The following ZBTB38 variants were observed in gnomAD, a reference collection of about 807,000 sequenced individuals.
ZBTB38 encodes the protein zinc finger and BTB domain containing 38.
Under a neutral mutation model 76.8 loss-of-function variants are expected in ZBTB38, and 20 were observed. That is an observed-to-expected ratio of 0.26 (90% confidence interval 0.18 to 0.38). The LOEUF (loss-of-function observed/expected upper bound fraction) is 0.38, where lower values mean the gene tolerates loss of function less well. Ranked by LOEUF, ZBTB38 falls within the 10% of genes least tolerant of loss-of-function variation. ZBTB38 has a pLI of 1.00. For missense variants in ZBTB38, 1,082 were observed against 1,482.3 expected (o/e 0.73, Z 4.43); for synonymous variants, 504 against 544.2 (o/e 0.93, Z 1.03).
Position 141,375,120 on chromosome 3 carries a change from T to C in ZBTB38, c.-235+5174T>C, listed in dbSNP as rs536713146. Reference sequence around the variant, plus strand: ...AAAATTAGGAAACTCTGAGCTAGTATGTCTATGCCAGAATTTAACTTAAAG... The same window carrying C: ...AAAATTAGGAAACTCTGAGCTAGTACGTCTATGCCAGAATTTAACTTAAAG... On this transcript the variant is annotated intron_variant, in intron 2 of 5. Coordinates refer to ENST00000321464, the MANE Select transcript of ZBTB38 (RefSeq NM_001376113.1). Among the ~76,000 whole-genome samples, 7 of 152,382 alleles carry C rather than the reference T, an allele frequency of 4.6e-5. No individual in the cohort carries two copies. In the East Asian group the frequency reaches 1.3e-3, roughly 29 times the overall value.
rs907975889 is a variant in ZBTB38 at position 141,442,766 on chromosome 3, C to T, written c.378C>T (p.Asn126=). The T allele has an allele frequency of 5.0e-6, 8 of 1,614,046 alleles. No individual in the cohort carries two copies. The highest frequency in any genetic ancestry group is 1.1e-5 in the South Asian group (1 of 91,086). The change falls in exon 6 of 6, where the codon AAC becomes AAT. Residue 126 remains asparagine, a synonymous_variant. Transcript: ENST00000321464. The surrounding 1 kb of genome is among the most constrained non-coding windows in gnomAD (Gnocchi z 6.4). ...ISFLEDLTDR[N]FSNSPGPYVF... ...TCTTGGAAGACCTTACTGATCGCAA[C>T]TTCTCAAATTCCCCGGGTCCCTATG...
chr3:141,423,780 A>G (rs2075878133), intron 5 of ZBTB38, among the ~76,000 whole-genome samples: 2 of 152,162 alleles, frequency 1.3e-5, no homozygotes, highest in Admixed American at 1.3e-4. Flanking sequence ...ACAAAATACA[A>G]ACTAATGAAT....
At chr3:141,402,662 G>C (rs193165206) in intron 4 of ZBTB38, among the ~76,000 whole-genome samples, 2,201 of 151,606 alleles carry the variant, frequency 0.015, 72 homozygotes, top group African/African-American at 0.051. Context: ...GCAGGTGCCC[G>C]GACTCCGGGG....
chr3:141,444,222 G>T lies in ZBTB38; in HGVS notation c.1834G>T (p.Glu612Ter). ...TYVVQNPHSS[E>*]LPTLNFQDTV... is the part of the protein sequence containing the mutation. Reference sequence around the variant, plus strand: ...TGTTGTTCAGAATCCACACAGCTCTGAATTACCAACGCTGAATTTCCAAGA... The same window carrying T: ...TGTTGTTCAGAATCCACACAGCTCTTAATTACCAACGCTGAATTTCCAAGA... Residue 612 changes from glutamate to a stop codon, truncating the protein, a stop_gained, in exon 6 of 6, where the codon GAA becomes TAA. Coordinates refer to ENST00000321464, the MANE Select transcript of ZBTB38 (RefSeq NM_001376113.1). LOFTEE classifies it high-confidence loss of function. The surrounding 1 kb of genome is among the most constrained non-coding windows in gnomAD (Gnocchi z 5.1). 1 of 1,614,170 alleles carries T rather than the reference G, an allele frequency of 6.2e-7. No individual in the cohort carries two copies.
chr3:141,443,735 C>T lies in ZBTB38; in HGVS notation c.1347C>T (p.His449=), dbSNP rs1332332953. 6.2e-7 allele frequency: 1 copy of T among 1,613,958 alleles called. No individual in the cohort carries two copies. The highest frequency in any genetic ancestry group is 1.1e-5 in the South Asian group (1 of 91,090). ...STGSTLPDTD[H]MVKFVNGQML... Reference sequence around the variant, plus strand: ...GAAGTACTTTGCCAGACACGGACCACATGGTTAAATTTGTTAATGGGCAAA... The same window carrying T: ...GAAGTACTTTGCCAGACACGGACCATATGGTTAAATTTGTTAATGGGCAAA... The change falls in exon 6 of 6, where the codon CAC becomes CAT. Residue 449 remains histidine, a synonymous_variant. Coordinates refer to ENST00000321464, the MANE Select transcript of ZBTB38 (RefSeq NM_001376113.1). This position sits in a 1 kb window ranked among gnomAD's most constrained non-coding sequence, Gnocchi z 5.6.
chr3:141,329,261 G>A (rs1414341125), intron 1 of ZBTB38, among the ~76,000 whole-genome samples: 1 of 152,140 alleles, frequency 6.6e-6, no homozygotes, highest in Non-Finnish European at 1.5e-5. Flanking sequence ...GTGAAGGAAG[G>A]TCCCTGACTG....
chr3:141,352,675 G>A (rs1405170083), intron 1 of ZBTB38, among the ~76,000 whole-genome samples: 1 of 152,112 alleles, frequency 6.6e-6, no homozygotes. Flanking sequence ...GTAAGCCAGA[G>A]AGTGGACGAG....
intron 5 of ZBTB38, among the ~76,000 whole-genome samples, chr3:141,438,753 T>C (rs1330792625): frequency 6.6e-6 from 1 of 152,104 alleles, no homozygotes; most frequent in Non-Finnish European, 1.5e-5. Flanking sequence ...TTCCCTGCAA[T>C]ATAAAATTTA....
chr3:141,434,008 C>A (rs2078184488), intron 5 of ZBTB38: 1 of 169,182 alleles, frequency 5.9e-6, no homozygotes, highest in Non-Finnish European at 1.2e-5. Context: ...AGGGCCAGTT[C>A]CCCTCTGCTC....
chr3:141,324,867 G>A (rs1942625362), intron 1 of ZBTB38, among the ~76,000 whole-genome samples: 1 of 152,160 alleles, frequency 6.6e-6, no homozygotes, highest in South Asian at 2.1e-4. Flanking sequence ...AAGTTACTTT[G>A]TAAAATGAAG....
chr3:141,396,547 C>A (rs1950385681), intron 4 of ZBTB38: 1 of 184,100 alleles, frequency 5.4e-6, no homozygotes, highest in Non-Finnish European at 1.1e-5. Flanking sequence ...CATGAATGTT[C>A]TTAATGGCAT....
chr3:141,342,976 G>A (rs1943242010), intron 1 of ZBTB38, among the ~76,000 whole-genome samples: 1 of 152,040 alleles, frequency 6.6e-6, no homozygotes, highest in Admixed American at 6.5e-5. Flanking sequence ...TCAATATATG[G>A]AGCTGTGTTC....
chr3:141,401,828 A>G (rs1268152969), intron 4 of ZBTB38, among the ~76,000 whole-genome samples: 3 of 152,194 alleles, frequency 2.0e-5, no homozygotes, highest in South Asian at 2.1e-4. Flanking sequence ...AAAGAAGAGG[A>G]CTGGGTCTTT....
In ZBTB38 at chr3:141,443,085, A is replaced by G; in HGVS notation, c.697A>G (p.Arg233Gly). The change falls in exon 6 of 6, where the codon AGA becomes GGA. Residue 233 changes from arginine (R) to glycine (G), a missense_variant. Physicochemically the swap from Arg to Gly is moderately radical, Grantham distance 125 (BLOSUM62 -2). Coordinates refer to ENST00000321464, the MANE Select transcript of ZBTB38 (RefSeq NM_001376113.1). The surrounding 1 kb of genome is among the most constrained non-coding windows in gnomAD (Gnocchi z 5.6). ...YAVSSVAEAY[R>G]SQPVREHDGS... is the part of the protein sequence containing the mutation. ...TGTTTCTTCCGTAGCTGAAGCTTAC[A>G]GAAGTCAGCCTGTACGTGAACATGA... The G allele has an allele frequency of 6.2e-7, 1 of 1,614,258 alleles. No homozygotes were observed. The highest frequency in any genetic ancestry group is 8.5e-7 in the Non-Finnish European group (1 of 1,180,050).
At chr3:141,422,307 C>T (rs1173791448) in intron 5 of ZBTB38, among the ~76,000 whole-genome samples, 2 of 152,162 alleles carry the variant, frequency 1.3e-5, no homozygotes, top group Non-Finnish European at 2.9e-5. Context: ...CATCCTGCCC[C>T]ACCTCTCGGG....
intron 3 of ZBTB38, among the ~76,000 whole-genome samples, chr3:141,385,679 T>TGC (rs1553764868): frequency 3.5e-4 from 50 of 143,266 alleles, no homozygotes; most frequent in South Asian, 2.1e-3. Context: ...TGTGTGTGTG[T>TGC]GCGCGTGTGT....
At chr3:141,377,140 A>G (rs1277533195) in intron 2 of ZBTB38, among the ~76,000 whole-genome samples, 2 of 152,246 alleles carry the variant, frequency 1.3e-5, no homozygotes, top group Non-Finnish European at 2.9e-5. Context: ...CTGGGCCAAG[A>G]GGCACTGCCT....
At chr3:141,376,985 C>T (rs981511237) in intron 2 of ZBTB38, among the ~76,000 whole-genome samples, 2 of 152,204 alleles carry the variant, frequency 1.3e-5, no homozygotes, top group African/African-American at 2.4e-5. Flanking sequence ...AACGATCTAA[C>T]CTGAGAAATT....
Position 141,445,028 on chromosome 3 carries a change from C to T in ZBTB38, c.2640C>T (p.Asp880=), listed in dbSNP as rs2080909161. Residue 880 remains aspartate, a synonymous_variant, in exon 6 of 6, where the codon GAC becomes GAT. Coordinates refer to ENST00000321464, the MANE Select transcript of ZBTB38 (RefSeq NM_001376113.1). This position sits in a 1 kb window ranked among gnomAD's most constrained non-coding sequence, Gnocchi z 6.5. ...AGGAGCCTTTGCCACAGGGGAATGA[C>T]CCAGAACCCAGTGGAGACAGCCCAC... ...MQEEPLPQGN[D]PEPSGDSPLG... The T allele has an allele frequency of 1.9e-6, 3 of 1,614,052 alleles. No homozygotes were observed. Among genetic ancestry groups the T allele is most frequent in the East Asian group, 2.2e-5 (1 of 44,882 alleles).
Sources: gnomAD v4.1 joint callset for allele counts (sites outside exome capture counted in the v4.1 genomes callset) on GRCh38, gnomAD v4.1.1 for gene constraint, Gnocchi (gnomAD v3.1) non-coding constraint, MANE v1.5 for transcripts, NCBI Gene and HGNC (gene_info 2026-07-23, HGNC 2026-07-21) for gene names.